The following OGG1 variants were observed in gnomAD, a reference collection of about 807,000 sequenced individuals.
The protein encoded by OGG1 is N-glycosylase/DNA lyase.
A neutral mutation model predicts 42.3 loss-of-function variants in OGG1; 35 were observed. That is an observed-to-expected ratio of 0.83 (90% CI 0.63 to 1.10). The LOEUF (loss-of-function observed/expected upper bound fraction) is 1.10. OGG1 is among the 50% of genes least tolerant of loss of function. The pLI is 0.00. For synonymous variants in OGG1, 189 were observed against 179.0 expected, an observed-to-expected ratio of 1.06 and a Z score of -0.44; for missense variants, 484 against 446.7, an observed-to-expected ratio of 1.08 and a Z score of -0.75.
chr3:9,783,890 T>C (rs2078540614), intron 3 of OGG1: 1 of 1,402,086 alleles, frequency 7.1e-7, no homozygotes, highest in African/African-American at 1.5e-5. Flanking sequence ...TGGCCACTGC[T>C]GTTTTTTTCG....
intron 7 of OGG1, chr3:9,763,000 C>T: frequency 6.2e-7 from 1 of 1,614,184 alleles, no homozygotes; most frequent in Non-Finnish European, 8.5e-7. Context: ...GCGTCCCGCT[C>T]CGTGTAGAAG....
chr3:9,764,525 T>C (rs1365049110), intron 7 of OGG1, among the ~76,000 whole-genome samples: 1 of 151,010 alleles, frequency 6.6e-6, no homozygotes, highest in Non-Finnish European at 1.5e-5. Context: ...TTGGTCAGGC[T>C]GGTTTGGAAC....
chr3:9,780,453 G>T (rs773834872), intron 2 of OGG1: 1 of 1,612,462 alleles, frequency 6.2e-7, no homozygotes, highest in Admixed American at 1.7e-5. Context: ...TCTTCTGCCG[G>T]GCAGCCATGA....
At chr3:9,785,242 TC>T in intron 3 of OGG1, 1 of 1,228,786 alleles carries the variant, frequency 8.1e-7, no homozygotes, top group African/African-American at 1.5e-5. Context: ...GATGAGGACT[TC>T]CCCAGGTTGA....
At chr3:9,761,748 G>A, downstream of OGG1, 1 of 1,614,108 alleles carries the variant, frequency 6.2e-7, no homozygotes, top group Non-Finnish European at 8.5e-7. Flanking sequence ...TAGTACAGCA[G>A]ATTCTCTGGC....
At chr3:9,778,129 A>G (rs989631631) in intron 2 of OGG1, among the ~76,000 whole-genome samples, 1 of 152,222 alleles carries the variant, frequency 6.6e-6, no homozygotes, top group South Asian at 2.1e-4. Flanking sequence ...TACCTACCCC[A>G]TAATATTAGG....
At chr3:9,789,855 G>T, downstream of OGG1, 7 of 1,614,250 alleles carry the variant, frequency 4.3e-6, no homozygotes, top group Non-Finnish European at 5.9e-6. Context: ...TTCCCTTCCA[G>T]TTTCTGCTTC....
rs2078057610 is a variant in OGG1 at position 9,764,623 on chromosome 3, TTTTTG to T, written c.1049-1181_1049-1177del. Reference sequence around the variant, plus strand: ...CACTGCGCCTGGCGTTTTTGTTTTTTTTTTGTTTTTTTTTTTTTTTTTGAGATGGA... The same window carrying T: ...CACTGCGCCTGGCGTTTTTGTTTTTTTTTTTTTTTTTTTTTTTGAGATGGA... On this transcript the variant is annotated intron_variant, in intron 7 of 7. Coordinates refer to the OGG1 transcript ENST00000302008. 5.1e-4 allele frequency among the ~76,000 whole-genome samples: 66 copies of T among 129,906 alleles called. 1 individual carries two copies. Among genetic ancestry groups the T allele is most frequent in the East Asian group, 9.1e-4 (4 of 4,388 alleles). 85.2% of individuals were successfully genotyped at this position (129,906 alleles called of 152,430 possible). A position where few individuals can be genotyped will look rare whatever the true frequency, so the allele number is the denominator to read the frequency against.
At chr3:9,756,872 G>A in intron 6 of OGG1, 56 bp downstream of exon 6, 2 of 1,612,492 alleles carry the variant, frequency 1.2e-6, no homozygotes, top group Admixed American at 1.7e-5. Flanking sequence ...CAGACCCAGT[G>A]GACTCTTCCA....
intron 3 of OGG1, chr3:9,787,173 G>C: frequency 6.2e-7 from 1 of 1,614,190 alleles, no homozygotes; most frequent in Non-Finnish European, 8.5e-7. Flanking sequence ...CCTGACCTGG[G>C]GTTGGCAGGG....
chr3:9,759,111 G>C, downstream of OGG1: 1 of 1,229,084 alleles, frequency 8.1e-7, no homozygotes, highest in Non-Finnish European at 1.2e-6. Context: ...GTCTGGCCAG[G>C]CTTAGCACTT....
At chr3:9,785,188 G>C in intron 3 of OGG1, 1 of 649,730 alleles carries the variant, frequency 1.5e-6, no homozygotes, top group East Asian at 2.7e-5. Flanking sequence ...ACTCACACTT[G>C]AGACTGCTAT....
intron 2 of OGG1, among the ~76,000 whole-genome samples, chr3:9,779,146 C>T (rs1327343888): frequency 1.3e-5 from 2 of 152,102 alleles, no homozygotes; most frequent in Non-Finnish European, 2.9e-5. Flanking sequence ...CTAGCACTCA[C>T]TTCCCTGTTT....
chr3:9,753,905 A>G (rs1031592923), intron 3 of OGG1, among the ~76,000 whole-genome samples: 2 of 152,168 alleles, frequency 1.3e-5, no homozygotes, highest in Non-Finnish European at 2.9e-5. Context: ...TGGGAGCCCA[A>G]GGTGGGAGGA....
chr3:9,750,556 G>T, intron 1 of OGG1, 133 bp downstream of exon 1: 1 of 1,268,366 alleles, frequency 7.9e-7, no homozygotes, highest in South Asian at 1.3e-5. Context: ...AACAAGCACG[G>T]GTAGCCAACC....
At position 9,763,085 on chromosome 3, in the gene OGG1, G is replaced by A. The variant is rs756398449; in HGVS notation, c.1049-2724G>A. ...AGGGGATAGGGCAGTCTGGCAAAGAGGGTTGGGACAGCTGGGAGAGGTGTG... is the reference window on the plus strand; with the variant it reads ...AGGGGATAGGGCAGTCTGGCAAAGAAGGTTGGGACAGCTGGGAGAGGTGTG... On this transcript the variant is annotated intron_variant, in intron 7 of 7. Transcript: ENST00000302008. 4 of 1,614,148 alleles carry A rather than the reference G, an allele frequency of 2.5e-6. No homozygotes were observed. The South Asian group carries it at 3.3e-5, about 13-fold the overall frequency.
At chr3:9,761,326 C>T (rs1575232384), downstream of OGG1, 1 of 844,352 alleles carries the variant, frequency 1.2e-6, no homozygotes, top group Non-Finnish European at 1.8e-6. Flanking sequence ...TGAAGTAATA[C>T]TGGTAATTGA....
chr3:9,760,773 G>C, downstream of OGG1: 1 of 1,614,016 alleles, frequency 6.2e-7, no homozygotes, highest in Non-Finnish European at 8.5e-7. Flanking sequence ...CAGAGCCTGG[G>C]CAGGGAGAAA....
At chr3:9,753,261 T>C (rs2077385151) in intron 3 of OGG1, among the ~76,000 whole-genome samples, 1 of 149,970 alleles carries the variant, frequency 6.7e-6, no homozygotes, top group African/African-American at 2.5e-5. Context: ...GGAGAATCAT[T>C]TGAACCTGGG....
Sources: gnomAD v4.1 joint callset for allele counts (sites outside exome capture counted in the v4.1 genomes callset) on GRCh38, gnomAD v4.1.1 for gene constraint, MANE v1.5 for transcripts, NCBI Gene and HGNC (gene_info 2026-07-23, HGNC 2026-07-21) for gene names.